Variants in DIXDC1 observed in about 807,000 individuals in gnomAD.
DIXDC1 encodes dixin.
A neutral mutation model predicts 103.1 loss-of-function variants in DIXDC1; 64 were observed. The observed-to-expected ratio is 0.62, with a 90% CI of 0.51 to 0.76. DIXDC1 has a LOEUF of 0.76. Among genes scored for constraint, DIXDC1 ranks in the 30% least tolerant of loss-of-function variants. The pLI, the probability that DIXDC1 is intolerant of heterozygous loss-of-function variation, is 0.00. For synonymous variants in DIXDC1, 266 were observed against 298.5 expected (o/e 0.89, Z 1.12); for missense variants, 759 against 834.2 (o/e 0.91, Z 1.11).
chr11:111,996,360 G>T, intron 17 of DIXDC1: 1 of 413,248 alleles, frequency 2.4e-6, no homozygotes. Flanking sequence ...GTGCAGGCAG[G>T]ATGCTGTTGA....
At chr11:111,949,316 C>G (rs1278802769) in intron 1 of DIXDC1, among the ~76,000 whole-genome samples, 2 of 152,180 alleles carry the variant, frequency 1.3e-5, no homozygotes, top group African/African-American at 2.4e-5. Flanking sequence ...CAGACTCTCT[C>G]AAAACCGAGC....
At chr11:111,986,981 T>G in intron 9 of DIXDC1, 57 bp downstream of exon 9, 288 of 1,420,530 alleles carry the variant, frequency 2.0e-4, no homozygotes, top group Non-Finnish European at 2.5e-4. Context: ...CCAGGCACGG[T>G]GGCTCGCGCC....
At position 111,977,399 on chromosome 11, in the gene DIXDC1, TG is replaced by T. The variant is rs1592587165; in HGVS notation, c.656+2417del. On this transcript the variant is annotated intron_variant, in intron 5 of 19. Coordinates refer to ENST00000440460, the MANE Select transcript of DIXDC1 (RefSeq NM_001037954.4). This position sits in a 1 kb window ranked among gnomAD's most constrained non-coding sequence, Gnocchi z 6.1. ...GCCTCCCTCCCAGTGGGAGATGGGT[TG>T]AGATGCCCCCGCCAGGGGGGATGCC... 8.9e-7 allele frequency: 1 copy of T among 1,123,190 alleles called. No individual in the cohort carries two copies. The highest frequency in any genetic ancestry group is 1.7e-5 in the African/African-American group (1 of 59,272). 69.6% of individuals were successfully genotyped at this position (1,123,190 alleles called of 1,614,324 possible).
intron 10 of DIXDC1, among the ~76,000 whole-genome samples, chr11:111,990,527 C>T (rs1312943267): frequency 3.9e-5 from 6 of 152,180 alleles, no homozygotes; most frequent in Non-Finnish European, 8.8e-5. Context: ...TCTTCGAGCT[C>T]ATTCTATGTC....
rs587758686 is a variant in DIXDC1 at position 111,978,017 on chromosome 11, G to T, written c.657-2720G>T. ...CCTTGCGCCTGCCAGGGTCTTTGGT[G>T]GGGGAGGGCACTTCATGAGGATATA... On this transcript the variant is annotated intron_variant, in intron 5 of 19. Coordinates refer to ENST00000440460, the MANE Select transcript of DIXDC1 (RefSeq NM_001037954.4). Among the ~76,000 whole-genome samples, 6 of 152,236 alleles carry T rather than the reference G, an allele frequency of 3.9e-5. No individual in the cohort carries two copies. The East Asian group carries it at 7.7e-4, about 20-fold the overall frequency.
In DIXDC1 at chr11:111,977,145, C is replaced by T. The variant is rs1401384686; in HGVS notation, c.656+2162C>T. ...CTCGCATCCCCCAACCCCTCGTCGA[C>T]GTCCCCACCCCCACCTCCACCCCGC... On this transcript the variant is annotated intron_variant, in intron 5 of 19. Transcript: ENST00000440460. This position sits in a 1 kb window ranked among gnomAD's most constrained non-coding sequence, Gnocchi z 6.1. 8.3e-5 allele frequency: 43 copies of T among 516,808 alleles called. No individual in the cohort carries two copies. The highest frequency in any genetic ancestry group is 1.1e-4 in the Non-Finnish European group (43 of 401,380). The allele number at this position is 516,808 out of a possible 1,614,324, so 32.0% of individuals were successfully genotyped here.
At position 112,021,650 on chromosome 11, in the gene DIXDC1, G is replaced by A. The variant is rs1592643088; in HGVS notation, c.*2614G>A. Reference sequence around the variant, plus strand: ...AACAAAATGACCATCTCACAAAAACGAGTTTAGTTGAATGCTCAATTCCTT... The same window carrying A: ...AACAAAATGACCATCTCACAAAAACAAGTTTAGTTGAATGCTCAATTCCTT... On this transcript the variant is annotated 3_prime_UTR_variant, in exon 20 of 20. Transcript: ENST00000440460. 6.6e-6 allele frequency: 1 copy of A among 152,168 alleles called. No individual in the cohort carries two copies. The highest frequency in any genetic ancestry group is 1.5e-5 in the Non-Finnish European group (1 of 68,040). 9.4% of individuals were successfully genotyped at this position (152,168 alleles called of 1,614,324 possible).
At chr11:111,994,860 A>G (rs1162884241) in intron 14 of DIXDC1, among the ~76,000 whole-genome samples, 159 bp from the exon 15 acceptor site, 1 of 152,188 alleles carries the variant, frequency 6.6e-6, no homozygotes, top group Non-Finnish European at 1.5e-5. Context: ...GGGGAAAAAA[A>G]ATCTATACTT....
At position 111,979,528 on chromosome 11, in the gene DIXDC1, C is replaced by T. The variant is rs776851545; in HGVS notation, c.657-1209C>T. On this transcript the variant is annotated intron_variant, in intron 5 of 19. Coordinates refer to ENST00000440460, the MANE Select transcript of DIXDC1 (RefSeq NM_001037954.4). The stretch of plus-strand genomic sequence containing the variant: ...AGGTGCAGTGCAAAGAGAGATGGCT[C>T]GAGACTCCTTTTCCCTGTCACATGG... Among the ~76,000 whole-genome samples the T allele has an allele frequency of 6.5e-4, 99 of 152,166 alleles. 1 individual carries two copies. The highest frequency in any genetic ancestry group is 1.2e-3 in the Non-Finnish European group (83 of 68,014).
At chr11:111,943,761 A>G (rs1555169119) in intron 1 of DIXDC1, among the ~76,000 whole-genome samples, 1 of 151,940 alleles carries the variant, frequency 6.6e-6, no homozygotes, top group African/African-American at 2.4e-5. Flanking sequence ...CAGCCTCCCA[A>G]AGTGCTGGGA....
intron 17 of DIXDC1, among the ~76,000 whole-genome samples, chr11:112,012,682 A>G (rs1426855615): frequency 6.6e-6 from 1 of 152,128 alleles, no homozygotes; most frequent in African/African-American, 2.4e-5. Flanking sequence ...ATCCTGCATG[A>G]GTTTTTTTGT....
In DIXDC1 at chr11:112,009,054, C is replaced by T. The variant is rs189756829; in HGVS notation, c.1757-7637C>T. ...GAAGGGATCAACAAAACTGATAGAC[C>T]GCTAGCAAGACTAATAAAGAAGAAA... On this transcript the variant is annotated intron_variant, in intron 17 of 19. Transcript: ENST00000440460. Among the ~76,000 whole-genome samples the T allele has an allele frequency of 3.3e-4, 50 of 151,970 alleles. No individual in the cohort carries two copies. The East Asian group carries it at 3.7e-3, about 11-fold the overall frequency.
intron 2 of DIXDC1, among the ~76,000 whole-genome samples, chr11:111,965,671 A>G (rs760137180): frequency 9.9e-5 from 15 of 152,198 alleles, no homozygotes; most frequent in Non-Finnish European, 2.1e-4. Flanking sequence ...TATCTTTGGG[A>G]AACATAATAT....
chr11:112,007,875 G>T (rs587681629), intron 17 of DIXDC1, among the ~76,000 whole-genome samples: 2 of 149,952 alleles, frequency 1.3e-5, no homozygotes, highest in African/African-American at 5.1e-5. Flanking sequence ...CAAGACCATC[G>T]ATGCTATGAT....
chr11:111,977,571 GGGGCCGA>G lies in DIXDC1; in HGVS notation c.656+2590_656+2596del, dbSNP rs1555172748. Reference sequence around the variant, plus strand: ...CAGAGCCTGGAGCATCCCAGTCGCTGGGGCCGAGACGCCGCCGCCGCCGCCGTTCCCG... The same window carrying G: ...CAGAGCCTGGAGCATCCCAGTCGCTGGACGCCGCCGCCGCCGCCGTTCCCG... On this transcript the variant is annotated intron_variant, in intron 5 of 19. Transcript: ENST00000440460. This position sits in a 1 kb window ranked among gnomAD's most constrained non-coding sequence, Gnocchi z 6.1. 4.7e-6 allele frequency: 7 copies of G among 1,492,506 alleles called. No individual in the cohort carries two copies. Among genetic ancestry groups the G allele is most frequent in the Non-Finnish European group, 6.2e-6 (7 of 1,120,520 alleles). The allele number at this position is 1,492,506 out of a possible 1,614,324, so 92.5% of individuals were successfully genotyped here. A position where few individuals can be genotyped will look rare whatever the true frequency, so the allele number is the denominator to read the frequency against.
At chr11:111,937,965 T>C (rs1555168420) in intron 1 of DIXDC1, among the ~76,000 whole-genome samples, 1 of 151,872 alleles carries the variant, frequency 6.6e-6, no homozygotes, top group Admixed American at 6.6e-5. Flanking sequence ...GAGGGTGGAG[T>C]GGTACTGCAT....
Position 111,971,724 on chromosome 11 carries a change from G to GTATATCTATATCTATATC in DIXDC1, c.317-2275_317-2258dup, listed in dbSNP as rs58755877. The stretch of plus-strand genomic sequence containing the variant: ...GCAGTGAATAAATAAAATGTGGTGT[G>GTATATCTATATCTATATC]TATATCTATATCTATATCTATATCT... On this transcript the variant is annotated intron_variant, in intron 3 of 19. Coordinates refer to ENST00000440460, the MANE Select transcript of DIXDC1 (RefSeq NM_001037954.4). Among the ~76,000 whole-genome samples, 855 of 147,788 alleles carry GTATATCTATATCTATATC rather than the reference G, an allele frequency of 5.8e-3. 6 individuals are homozygous for GTATATCTATATCTATATC. The highest frequency in any genetic ancestry group is 0.017 in the African/African-American group (677 of 39,582).
chr11:111,957,506 G>T (rs181502156), intron 1 of DIXDC1, among the ~76,000 whole-genome samples: 24 of 152,352 alleles, frequency 1.6e-4, no homozygotes, highest in African/African-American at 5.5e-4. Context: ...ATAACGAGAT[G>T]TATTGGCATC....
intron 17 of DIXDC1, among the ~76,000 whole-genome samples, chr11:112,011,627 A>C (rs781997884): frequency 6.6e-6 from 1 of 152,240 alleles, no homozygotes; most frequent in Non-Finnish European, 1.5e-5. Context: ...GCAGCCATAA[A>C]AAAGGATGAG....
Sources: gnomAD v4.1 joint callset for allele counts (sites outside exome capture counted in the v4.1 genomes callset) on GRCh38, gnomAD v4.1.1 for gene constraint, Gnocchi (gnomAD v3.1) non-coding constraint, MANE v1.5 for transcripts, NCBI Gene and HGNC (gene_info 2026-07-23, HGNC 2026-07-21) for gene names.